The following ATPAF2 variants were observed in gnomAD, a reference collection of about 807,000 sequenced individuals.
The protein encoded by ATPAF2 is ATP12 homolog.
A neutral mutation model predicts 36.6 loss-of-function variants in ATPAF2; 30 were observed. The ratio of observed to expected loss-of-function variants is 0.82; its 90% CI spans 0.61 to 1.11. The LOEUF (loss-of-function observed/expected upper bound fraction) is 1.11. Among genes scored for constraint, ATPAF2 ranks in the 50% most tolerant of loss-of-function variants. The pLI, the probability that ATPAF2 is intolerant of heterozygous loss-of-function variation, is 0.00. For synonymous variants in ATPAF2, 140 were observed against 152.6 expected (o/e 0.92, Z 0.61); for missense variants, 321 against 372.3 (o/e 0.86, Z 1.13).
chr17:18,039,076 G>T lies in ATPAF2; in HGVS notation c.-63C>A. 10 of 1,550,206 alleles carry T rather than the reference G, an allele frequency of 6.5e-6. No individual in the cohort carries two copies. Among genetic ancestry groups the T allele is most frequent in the South Asian group, 1.2e-5 (1 of 84,978 alleles). On this transcript the variant is annotated 5_prime_UTR_variant, in exon 1 of 8. Transcript: ENST00000474627. The surrounding 1 kb of genome is among the most constrained non-coding windows in gnomAD (Gnocchi z 5.3). Reference sequence around the variant, plus strand: ...CTGGAGCAGGAAACACAGAGCGATGGGATCCCCAAAGCCGCACGGTCGGGC... The same window carrying T: ...CTGGAGCAGGAAACACAGAGCGATGTGATCCCCAAAGCCGCACGGTCGGGC...
chr17:18,016,205 T>C, downstream of ATPAF2: 1 of 1,612,014 alleles, frequency 6.2e-7, no homozygotes, highest in Non-Finnish European at 8.5e-7. Flanking sequence ...GGTGAGTCAA[T>C]CCCAAGCCAT....
At chr17:18,019,795 T>C (rs937874559) in intron 7 of ATPAF2, among the ~76,000 whole-genome samples, 1 of 152,242 alleles carries the variant, frequency 6.6e-6, no homozygotes, top group Non-Finnish European at 1.5e-5. Flanking sequence ...AATTGTAATA[T>C]GTCATCTGAA....
chr17:18,038,921 T>G lies in ATPAF2; in HGVS notation c.93A>C (p.Pro31=), dbSNP rs1367555618. 2 of 1,613,940 alleles carry G rather than the reference T, an allele frequency of 1.2e-6. No individual in the cohort carries two copies. The highest frequency in any genetic ancestry group is 4.5e-5 in the East Asian group (2 of 44,880). ...AAGCCCGGGCTGGAGACGGGATGGT[T>G]GGCCCCGGACTCATAGAAGCGCTGG... The part of the protein sequence containing the change: ...GGPSASMSPG[P]TIPSPARAYA... Residue 31 remains proline, a synonymous_variant, in exon 1 of 8, where the codon CCA becomes CCC. Transcript: ENST00000474627.
At chr17:18,015,942 C>A, downstream of ATPAF2, 4 of 1,017,028 alleles carry the variant, frequency 3.9e-6, no homozygotes, top group Non-Finnish European at 5.8e-6. Context: ...CAAAGGTGGG[C>A]TCTGCTCTGA....
chr17:18,034,538 T>G (rs1352390120), intron 1 of ATPAF2, among the ~76,000 whole-genome samples: 1 of 152,192 alleles, frequency 6.6e-6, no homozygotes, highest in African/African-American at 2.4e-5. Context: ...CACAATGAGA[T>G]ACCACTTCAA....
chr17:18,030,917 C>A (rs1041078962), intron 1 of ATPAF2, among the ~76,000 whole-genome samples: 2 of 143,508 alleles, frequency 1.4e-5, no homozygotes, highest in African/African-American at 2.6e-5. Context: ...TCGTGATCCA[C>A]CTGCCTTGGC....
rs771131818 is a variant in ATPAF2, at chr17:18,029,879, TAAAAAAAAAAAAA to T, written c.134-1233_134-1221del. ...CGGCCAAATAGTTTGCCTTTAACGC[TAAAAAAAAAAAAA>T]AAAAAAAAAAAAGGCTGGTCGCAGT... On this transcript the variant is annotated intron_variant, in intron 1 of 7. Coordinates refer to ENST00000474627, the MANE Select transcript of ATPAF2 (RefSeq NM_145691.4). Among the ~76,000 whole-genome samples, 10 of 53,242 alleles carry T rather than the reference TAAAAAAAAAAAAA, an allele frequency of 1.9e-4. No homozygotes were observed. The Admixed American group carries it at 2.2e-3, about 12-fold the overall frequency. The allele number at this position is 53,242 out of a possible 152,430, so 34.9% of individuals were successfully genotyped here. A position where few individuals can be genotyped will look rare whatever the true frequency, so the allele number is the denominator to read the frequency against.
In ATPAF2 at chr17:18,024,659, A is replaced by G; in HGVS notation, c.468T>C (p.Asn156=). ...EPETLVELQR[N]EWDPIIEWAE... is the part of the protein sequence containing the mutation. ...CCCATTCGATGATTGGATCCCACTCATTCCTTTGAAGTTCCACTAATGTCT... is the reference window on the plus strand; with the variant it reads ...CCCATTCGATGATTGGATCCCACTCGTTCCTTTGAAGTTCCACTAATGTCT... Residue 156 remains asparagine, a synonymous_variant, in exon 5 of 8, where the codon AAT becomes AAC. Transcript: ENST00000474627. 1 of 1,614,178 alleles carries G rather than the reference A, an allele frequency of 6.2e-7. No homozygotes were observed. The highest frequency in any genetic ancestry group is 1.7e-5 in the Admixed American group (1 of 60,022).
At chr17:18,016,817 G>A, downstream of ATPAF2, 1 of 472,616 alleles carries the variant, frequency 2.1e-6, no homozygotes, top group South Asian at 3.5e-5. Flanking sequence ...CCCACCCCTG[G>A]AAAAACTTCC....
Position 18,039,131 on chromosome 17 carries a change from A to C in ATPAF2, c.-118T>G. On this transcript the variant is annotated 5_prime_UTR_variant, in exon 1 of 8. Transcript: ENST00000474627. The surrounding 1 kb of genome is among the most constrained non-coding windows in gnomAD (Gnocchi z 5.3). The stretch of plus-strand genomic sequence containing the variant: ...CGGAAACCTCTCAACGCCTCCTCAG[A>C]GCCCTCAACCTCCCTTGGACGCCGC... The C allele has an allele frequency of 7.1e-7, 1 of 1,414,778 alleles. No homozygotes were observed. Among genetic ancestry groups the C allele is most frequent in the Non-Finnish European group, 9.7e-7 (1 of 1,035,564 alleles). 87.6% of individuals were successfully genotyped at this position (1,414,778 alleles called of 1,614,324 possible).
chr17:18,035,461 C>T (rs1373219220), intron 1 of ATPAF2, among the ~76,000 whole-genome samples: 1 of 152,120 alleles, frequency 6.6e-6, no homozygotes, highest in Non-Finnish European at 1.5e-5. Flanking sequence ...TTGATTGTGG[C>T]AATGGCTGTA....
chr17:18,027,331 G>GACC (rs144115566), intron 3 of ATPAF2, among the ~76,000 whole-genome samples: 3,632 of 152,106 alleles, frequency 0.024, 126 homozygotes, highest in African/African-American at 0.075. Flanking sequence ...GGTTGTCAAG[G>GACC]ACCAGGCCAA....
chr17:18,018,139 T>C lies in ATPAF2; in HGVS notation c.*410A>G, dbSNP rs1399037697. The C allele has an allele frequency of 3.7e-6, 1 of 271,490 alleles. No individual in the cohort carries two copies. The highest frequency in any genetic ancestry group is 4.9e-5 in the Admixed American group (1 of 20,318). 16.8% of individuals were successfully genotyped at this position (271,490 alleles called of 1,614,324 possible). ...GATTGTTTCCCCAGTGCAAGGTTCC[T>C]GACCACAGGCAGCAGATATCCAAAC... On this transcript the variant is annotated 3_prime_UTR_variant, in exon 8 of 8. Coordinates refer to ENST00000474627, the MANE Select transcript of ATPAF2 (RefSeq NM_145691.4).
rs1379537278 is a variant in ATPAF2, at chr17:18,018,339, GC to G, written c.*209del. ...GCACAATTCATCTCCTACATTCACT[GC>G]TGGCCAGGCCAGGGGCACCTGGGTT... is the stretch of plus-strand genomic sequence containing the variant. On this transcript the variant is annotated 3_prime_UTR_variant, in exon 8 of 8. Coordinates refer to ENST00000474627, the MANE Select transcript of ATPAF2 (RefSeq NM_145691.4). The G allele has an allele frequency of 2.2e-5, 14 of 622,338 alleles. No homozygotes were observed. The highest frequency in any genetic ancestry group is 3.4e-5 in the Non-Finnish European group (12 of 355,154). The allele number at this position is 622,338 out of a possible 1,614,324, so 38.6% of individuals were successfully genotyped here.
At position 18,026,315 on chromosome 17, in the gene ATPAF2, T is replaced by C. The variant is rs748625909; in HGVS notation, c.422+4A>G. 5.6e-6 allele frequency: 9 copies of C among 1,612,532 alleles called. No homozygotes were observed. Among genetic ancestry groups the C allele is most frequent in the African/African-American group, 1.3e-5 (1 of 75,032 alleles). On this transcript the variant is annotated splice_donor_region_variant and intron_variant, in intron 4 of 7. Coordinates refer to ENST00000474627, the MANE Select transcript of ATPAF2 (RefSeq NM_145691.4). The stretch of plus-strand genomic sequence containing the variant: ...AGGGGAATGCCCATCTAAATGTCCA[T>C]TACCAGATGGTGTCGGTGTCCAGAA...
Position 18,038,876 on chromosome 17 carries a change from C to G in ATPAF2, c.133+5G>C. 6.2e-7 allele frequency: 1 copy of G among 1,614,010 alleles called. No individual in the cohort carries two copies. Among genetic ancestry groups the G allele is most frequent in the South Asian group, 1.1e-5 (1 of 91,078 alleles). On this transcript the variant is annotated splice_donor_5th_base_variant and intron_variant, in intron 1 of 7. Coordinates refer to ENST00000474627, the MANE Select transcript of ATPAF2 (RefSeq NM_145691.4). ...CCAACCCAAAAGAACATGTCATGGT[C>G]TTACCTGTCGGCGGGGCGTAAGCCC... is the stretch of plus-strand genomic sequence containing the variant.
Position 18,038,865 on chromosome 17 carries a change from C to T in ATPAF2, c.133+16G>A. On this transcript the variant is annotated intron_variant, in intron 1 of 7. Transcript: ENST00000474627. ...CCAGCTCGGCCCCAACCCAAAAGAACATGTCATGGTCTTACCTGTCGGCGG... is the reference window on the plus strand; with the variant it reads ...CCAGCTCGGCCCCAACCCAAAAGAATATGTCATGGTCTTACCTGTCGGCGG... 1 of 1,613,428 alleles carries T rather than the reference C, an allele frequency of 6.2e-7. No homozygotes were observed. The highest frequency in any genetic ancestry group is 8.5e-7 in the Non-Finnish European group (1 of 1,179,394).
In ATPAF2 at chr17:18,039,160, C is replaced by T. The variant is rs75249497; in HGVS notation, c.-147G>A. The T allele has an allele frequency of 2.4e-3, 2,901 of 1,185,474 alleles. 25 individuals carry two copies. In the East Asian group the frequency reaches 0.027, roughly 11 times the overall value. 73.4% of individuals were successfully genotyped at this position (1,185,474 alleles called of 1,614,324 possible). On this transcript the variant is annotated 5_prime_UTR_variant, in exon 1 of 8. Coordinates refer to ENST00000474627, the MANE Select transcript of ATPAF2 (RefSeq NM_145691.4). This position sits in a 1 kb window ranked among gnomAD's most constrained non-coding sequence, Gnocchi z 5.3. The stretch of plus-strand genomic sequence containing the variant: ...CTCAACCTCCCTTGGACGCCGCCAT[C>T]TTCCGCATGACACCTACGGCGCGCC...
intron 5 of ATPAF2, 56 bp downstream of exon 5, chr17:18,024,568 C>A: frequency 6.8e-7 from 1 of 1,477,686 alleles, no homozygotes; most frequent in East Asian, 2.3e-5. Context: ...CTGACCCCTA[C>A]ACTCCACCAA....
Sources: allele counts gnomAD v4.1 joint callset (sites outside exome capture counted in the v4.1 genomes callset), GRCh38; gene constraint gnomAD v4.1.1; non-coding constraint Gnocchi (gnomAD v3.1); transcripts MANE v1.5; gene names NCBI Gene and HGNC (gene_info 2026-07-23, HGNC 2026-07-21).